ZNF331: variants seen among roughly 807,000 people sequenced by gnomAD.
ZNF331 encodes C2H2-like zinc finger protein rearranged in thyroid adenomas.
ZNF331 carries 2 observed loss-of-function variants against 7.0 expected under a neutral mutation model. The ratio of observed to expected loss-of-function variants is 0.29; its 90% CI spans 0.12 to 0.90. The LOEUF (loss-of-function observed/expected upper bound fraction) is 0.90, where lower values mean the gene tolerates loss of function less well. Among genes scored for constraint, ZNF331 ranks in the 40% least tolerant of loss-of-function variants. The pLI is 0.58. For synonymous variants in ZNF331, 196 were observed against 205.4 expected (o/e 0.95, Z 0.39); for missense variants, 432 against 587.7 (o/e 0.74, Z 2.74).
rs547610899 is a variant in ZNF331, at chr19:53,558,925, CA to C, written c.-74+3018del. On this transcript the variant is annotated intron_variant, in intron 3 of 5. Transcript: ENST00000449416. The surrounding 1 kb of genome is among the most constrained non-coding windows in gnomAD (Gnocchi z 4.5). Reference sequence around the variant, plus strand: ...CTATACACACCTACATATATACACACACATACACACCATACACACATATACA... The same window carrying C: ...CTATACACACCTACATATATACACACCATACACACCATACACACATATACA... Among the ~76,000 whole-genome samples the C allele has an allele frequency of 0.019, 2,611 of 135,024 alleles. 120 individuals carry two copies. Among genetic ancestry groups the C allele is most frequent in the African/African-American group, 0.075 (2,344 of 31,192 alleles). The allele number at this position is 135,024 out of a possible 152,430, so 88.6% of individuals were successfully genotyped here.
intron 2 of ZNF331, among the ~76,000 whole-genome samples, chr19:53,531,519 G>T (rs2087539381): frequency 6.6e-6 from 1 of 152,154 alleles, no homozygotes; most frequent in African/African-American, 2.4e-5. Context: ...CTAAGGAAAA[G>T]ATTCGTTTTT....
intron 3 of ZNF331, among the ~76,000 whole-genome samples, chr19:53,568,849 CTTTTTTTTTTTTT>C (rs537822108): frequency 5.2e-5 from 4 of 77,100 alleles, no homozygotes; most frequent in Admixed American, 3.4e-4. Context: ...CCATGATACT[CTTTTTTTTTTTTT>C]TTTTTTTTTT....
chr19:53,517,769 G>A (rs569387549), upstream of ZNF331, among the ~76,000 whole-genome samples: 1 of 152,298 alleles, frequency 6.6e-6, no homozygotes, highest in South Asian at 2.1e-4. Context: ...CAGAAGCAAG[G>A]AAGCCAACAG....
the ZNF331 span, among the ~76,000 whole-genome samples, chr19:53,511,443 T>A: frequency 6.6e-6 from 1 of 151,882 alleles, no homozygotes; most frequent in Non-Finnish European, 1.5e-5. Flanking sequence ...ACAGGGTAAA[T>A]TAAAACTATA....
intron 2 of ZNF331, among the ~76,000 whole-genome samples, chr19:53,545,970 AACTC>A (rs1321844103): frequency 6.6e-6 from 1 of 151,946 alleles, no homozygotes; most frequent in Non-Finnish European, 1.5e-5. Context: ...AGAACTCTGA[AACTC>A]ACAAATGCCA....
At chr19:53,515,442 T>TGG (rs3070652), upstream of ZNF331, among the ~76,000 whole-genome samples, 101,464 of 151,974 alleles carry the variant, frequency 0.67, 34,866 homozygotes, top group African/African-American at 0.84. Flanking sequence ...CATTTTAACA[T>TGG]GGGCATTTCT....
chr19:53,509,463 A>T, the ZNF331 span, among the ~76,000 whole-genome samples: 1 of 146,558 alleles, frequency 6.8e-6, no homozygotes, highest in Non-Finnish European at 1.5e-5. Flanking sequence ...ACGTGTAGAG[A>T]AGGTGGTTGG....
chr19:53,506,469 T>A, the ZNF331 span, among the ~76,000 whole-genome samples: 1 of 145,324 alleles, frequency 6.9e-6, no homozygotes, highest in African/African-American at 2.6e-5. Context: ...TCTCTCTCTC[T>A]CTCTCTCTCT....
chr19:53,554,741 T>C (rs975783263), intron 2 of ZNF331: 5 of 152,180 alleles, frequency 3.3e-5, no homozygotes, highest in African/African-American at 4.8e-5. Context: ...ACGGAGCTTC[T>C]AGCGGTGACG....
chr19:53,544,555 A>G (rs1023540285), intron 2 of ZNF331, among the ~76,000 whole-genome samples: 18 of 149,788 alleles, frequency 1.2e-4, no homozygotes, highest in Non-Finnish European at 2.4e-4. Context: ...AAAAAAAAAA[A>G]AAAAGAATCA....
upstream of ZNF331, chr19:53,536,209 T>C (rs1031222917): frequency 7.9e-5 from 12 of 152,176 alleles, no homozygotes; most frequent in African/African-American, 2.9e-4. Context: ...GATTGAGATA[T>C]GTTACTGATT....
chr19:53,563,630 A>T (rs887810086), intron 3 of ZNF331: 7 of 152,094 alleles, frequency 4.6e-5, no homozygotes, highest in Non-Finnish European at 1.0e-4. Flanking sequence ...ATAAAATTTG[A>T]GATGTGTAAT....
chr19:53,506,259 C>T, the ZNF331 span, among the ~76,000 whole-genome samples: 3 of 113,510 alleles, frequency 2.6e-5, no homozygotes, highest in African/African-American at 3.7e-5. Context: ...GGCGTGAACC[C>T]GGGAGGCGGA....
At position 53,564,074 on chromosome 19, in the gene ZNF331, C is replaced by CTTTTTT. The variant is rs1205257105; in HGVS notation, c.-73-5214_-73-5209dup. 2.1e-5 allele frequency among the ~76,000 whole-genome samples: 2 copies of CTTTTTT among 94,676 alleles called. 1 individual carries two copies. The highest frequency in any genetic ancestry group is 3.8e-5 in the Non-Finnish European group (2 of 53,140). The allele number at this position is 94,676 out of a possible 152,430, so 62.1% of individuals were successfully genotyped here. ...AAAAAAAGAGCACAGAGCCTGCATT[C>CTTTTTT]TTTTTTTTTTTTTTTTTTTTTGAGA... On this transcript the variant is annotated intron_variant, in intron 3 of 5. Transcript: ENST00000449416.
intron 2 of ZNF331, among the ~76,000 whole-genome samples, chr19:53,551,091 A>G (rs970511255): frequency 6.6e-5 from 10 of 151,990 alleles, no homozygotes; most frequent in Non-Finnish European, 1.5e-5. Flanking sequence ...TTGGCCTCCC[A>G]AAGTGCTGGG....
intron 4 of ZNF331, among the ~76,000 whole-genome samples, chr19:53,570,361 C>T (rs541003868): frequency 8.1e-4 from 123 of 152,010 alleles, no homozygotes; most frequent in Non-Finnish European, 1.5e-3. Flanking sequence ...TCACATACCC[C>T]AGAATCGGAG....
intron 2 of ZNF331, chr19:53,523,299 A>C (rs1011042550): frequency 2.6e-5 from 4 of 151,728 alleles, no homozygotes; most frequent in African/African-American, 9.7e-5. Flanking sequence ...GCTCACTGGA[A>C]CCTCTGCGTC....
At chr19:53,508,475 G>T in the ZNF331 span, among the ~76,000 whole-genome samples, 1 of 152,020 alleles carries the variant, frequency 6.6e-6, no homozygotes, top group Admixed American at 6.5e-5. Context: ...TTCCCCTCTT[G>T]ATCCATCAAT....
the ZNF331 span, among the ~76,000 whole-genome samples, chr19:53,513,650 TC>T: frequency 7.6e-6 from 1 of 132,450 alleles, no homozygotes. Context: ...TTACTTTTTT[TC>T]GTTGTTGTTG....
Sources: gnomAD v4.1 joint callset for allele counts (sites outside exome capture counted in the v4.1 genomes callset) on GRCh38, gnomAD v4.1.1 for gene constraint, Gnocchi (gnomAD v3.1) non-coding constraint, MANE v1.5 for transcripts, NCBI Gene and HGNC (gene_info 2026-07-23, HGNC 2026-07-21) for gene names.